FZD6: variants seen among roughly 807,000 people sequenced by gnomAD.
FZD6 encodes frizzled class receptor 6, also known as frizzled-6.
Under a neutral mutation model 61.4 loss-of-function variants are expected in FZD6, and 49 were observed. The ratio of observed to expected loss-of-function variants is 0.80; its 90% confidence interval spans 0.63 to 1.01. The LOEUF (loss-of-function observed/expected upper bound fraction) is 1.01, where lower values mean the gene tolerates loss of function less well. Among genes scored for constraint, FZD6 ranks in the 50% least tolerant of loss-of-function variants. The probability of loss-of-function intolerance (pLI) is 0.00; values close to 1 mark genes in which losing one functional copy is unlikely to be tolerated. For missense variants in FZD6, 724 were observed against 848.2 expected (o/e 0.85, Z 1.82); for synonymous variants, 265 against 292.2 (o/e 0.91, Z 0.95).
Position 103,300,066 on chromosome 8 carries a change from G to GGATGA in FZD6, c.-42_-41insGATGA, listed in dbSNP as rs1441814757. On this transcript the variant is annotated 5_prime_UTR_variant, in exon 2 of 7. In the 5' UTR this introduces an upstream ATG that the reference lacks. Transcript: ENST00000358755. ...GGGATCTTCTGAGGATGCAAAGAGT[G>GGATGA]ATTCATCCAAGCCATGTGGTAAAAT... is the stretch of plus-strand genomic sequence containing the variant. The GGATGA allele has an allele frequency of 8.7e-7, 1 of 1,152,436 alleles. No homozygotes were observed. Among genetic ancestry groups the GGATGA allele is most frequent in the Non-Finnish European group, 1.3e-6 (1 of 758,628 alleles). 71.4% of individuals were successfully genotyped at this position (1,152,436 alleles called of 1,614,324 possible).
At chr8:103,311,326 T>G (rs1322433875) in intron 2 of FZD6, among the ~76,000 whole-genome samples, 1 of 152,206 alleles carries the variant, frequency 6.6e-6, no homozygotes. Flanking sequence ...AAGCTTAGAT[T>G]AGGTGCCTAT....
chr8:103,309,129 C>A (rs1814423358), intron 2 of FZD6, among the ~76,000 whole-genome samples: 1 of 152,206 alleles, frequency 6.6e-6, no homozygotes, highest in African/African-American at 2.4e-5. Context: ...ACACAGATCA[C>A]TGGCTCCATC....
At chr8:103,312,464 A>G (rs543141326) in intron 2 of FZD6, among the ~76,000 whole-genome samples, 2 of 152,340 alleles carry the variant, frequency 1.3e-5, no homozygotes, top group South Asian at 2.1e-4. Flanking sequence ...CAATTCATAG[A>G]TTTGCACTTT....
At chr8:103,310,999 A>C (rs1353576101) in intron 2 of FZD6, among the ~76,000 whole-genome samples, 2 of 151,832 alleles carry the variant, frequency 1.3e-5, no homozygotes, top group African/African-American at 4.9e-5. Context: ...TACAAACAAC[A>C]GAAACCAATT....
chr8:103,313,990 C>G (rs538409573), intron 2 of FZD6, among the ~76,000 whole-genome samples: 21 of 152,182 alleles, frequency 1.4e-4, no homozygotes, highest in African/African-American at 4.6e-4. Context: ...CAAATACTCC[C>G]TATCATCTTA....
At chr8:103,313,473 G>C (rs1005891717) in intron 2 of FZD6, among the ~76,000 whole-genome samples, 1 of 152,134 alleles carries the variant, frequency 6.6e-6, no homozygotes, top group Non-Finnish European at 1.5e-5. Context: ...GTAGCAAAGG[G>C]GAATGGTGAG....
At chr8:103,319,013 TAATCA>T (rs2130311944) in intron 3 of FZD6, among the ~76,000 whole-genome samples, 1 of 152,334 alleles carries the variant, frequency 6.6e-6, no homozygotes, top group South Asian at 2.1e-4. Context: ...GGACAGACAG[TAATCA>T]AATAATTATG....
At position 103,315,218 on chromosome 8, in the gene FZD6, T is replaced by C. The variant is rs183640659; in HGVS notation, c.178-3372T>C. On this transcript the variant is annotated intron_variant, in intron 2 of 6. Transcript: ENST00000358755. ...TCTCACTCTACTTATTCTCCTTAGG[T>C]AATTTCAGCCAGTTATTTCAATTAC... Among the ~76,000 whole-genome samples the C allele has an allele frequency of 1.2e-4, 18 of 152,338 alleles. No homozygotes were observed. The East Asian group carries it at 3.3e-3, about 28-fold the overall frequency.
intron 2 of FZD6, among the ~76,000 whole-genome samples, chr8:103,310,575 C>T (rs3107648): frequency 6.6e-6 from 1 of 152,048 alleles, no homozygotes; most frequent in Non-Finnish European, 1.5e-5. Context: ...TAGTGTTTTA[C>T]TTCCCACCTT....
At chr8:103,330,988 T>A (rs374936111) in intron 6 of FZD6, among the ~76,000 whole-genome samples, 1 of 152,152 alleles carries the variant, frequency 6.6e-6, no homozygotes, top group Non-Finnish European at 1.5e-5. Flanking sequence ...CCATTCTGGC[T>A]AACATGGTGA....
At chr8:103,329,013 T>TTTTATATATATATATATATATATA (rs143400765) in intron 5 of FZD6, among the ~76,000 whole-genome samples, 60 of 115,168 alleles carry the variant, frequency 5.2e-4, no homozygotes, top group African/African-American at 1.4e-3. Context: ...CATTTTAGTT[T>TTTTATATATATATATATATATATA]TATATATATA....
chr8:103,301,752 TCACCTAGA>T (rs1814178085), intron 2 of FZD6, among the ~76,000 whole-genome samples: 1 of 152,184 alleles, frequency 6.6e-6, no homozygotes, highest in Non-Finnish European at 1.5e-5. Context: ...TAAATTCATA[TCACCTAGA>T]CTCAAGAGAG....
intron 2 of FZD6, among the ~76,000 whole-genome samples, chr8:103,303,245 A>G (rs914594040): frequency 2.0e-5 from 3 of 152,188 alleles, no homozygotes; most frequent in African/African-American, 7.2e-5. Flanking sequence ...ATTCAAATCC[A>G]TATTACTGTC....
intron 2 of FZD6, chr8:103,307,887 T>G (rs950719400): frequency 2.2e-6 from 1 of 456,068 alleles, no homozygotes; most frequent in Non-Finnish European, 4.4e-6. Flanking sequence ...ACAGGTATGG[T>G]CTACTTGGGA....
intron 2 of FZD6, among the ~76,000 whole-genome samples, chr8:103,301,873 A>G (rs1814182537): frequency 6.6e-6 from 1 of 152,234 alleles, no homozygotes; most frequent in South Asian, 2.1e-4. Flanking sequence ...CAAAAAAATT[A>G]CTTTTTAATT....
rs1173286021 is a variant in FZD6 at position 103,332,643 on chromosome 8, A to C, written c.*1134A>C. Reference sequence around the variant, plus strand: ...TTCTTAATTTTGTTTCCTATTAAGTATTATTCTTTGGGCAAGATTTTCTGA... The same window carrying C: ...TTCTTAATTTTGTTTCCTATTAAGTCTTATTCTTTGGGCAAGATTTTCTGA... On this transcript the variant is annotated 3_prime_UTR_variant, in exon 7 of 7. Transcript: ENST00000358755. 6.6e-6 allele frequency: 1 copy of C among 152,582 alleles called. No homozygotes were observed. Among genetic ancestry groups the C allele is most frequent in the Non-Finnish European group, 1.5e-5 (1 of 67,998 alleles). The allele number at this position is 152,582 out of a possible 1,614,324, so 9.5% of individuals were successfully genotyped here.
intron 2 of FZD6, among the ~76,000 whole-genome samples, chr8:103,318,268 C>T (rs1271772358): frequency 1.3e-5 from 2 of 152,122 alleles, no homozygotes; most frequent in African/African-American, 4.8e-5. Context: ...CAAGAGGAAG[C>T]TAGGAGTCAC....
At position 103,331,447 on chromosome 8, in the gene FZD6, C is replaced by T. The variant is rs1345737229; in HGVS notation, c.2059C>T (p.Leu687Phe). The T allele has an allele frequency of 3.7e-6, 6 of 1,610,998 alleles. No homozygotes were observed. Among genetic ancestry groups the T allele is most frequent in the African/African-American group, 1.3e-5 (1 of 74,972 alleles). ...PSSLKGSTSL[L>F]VHPVSGVRKE... ...CAGCCTCAAAGGTTCCACATCTCTG[C>T]TTGTTCACCCGGTTTCAGGAGTGAG... Residue 687 changes from leucine to phenylalanine, a missense_variant, in exon 7 of 7, where the codon CTT becomes TTT. By Grantham distance (22) the Leu-to-Phe change is conservative (BLOSUM62 0). Coordinates refer to ENST00000358755, the MANE Select transcript of FZD6 (RefSeq NM_003506.4).
chr8:103,319,819 C>A (rs1006617843), intron 3 of FZD6, among the ~76,000 whole-genome samples: 6 of 151,976 alleles, frequency 3.9e-5, no homozygotes, highest in African/African-American at 1.5e-4. Context: ...GTGACTGGGG[C>A]AAAGGACAGA....
Sources: allele counts gnomAD v4.1 joint callset (sites outside exome capture counted in the v4.1 genomes callset), GRCh38; gene constraint gnomAD v4.1.1; transcripts MANE v1.5; gene names NCBI Gene and HGNC (gene_info 2026-07-23, HGNC 2026-07-21).